NR2C2: variants seen among roughly 807,000 people sequenced by gnomAD.
The protein encoded by NR2C2 is Nuclear hormone receptor TR4.
Under a neutral mutation model 62.9 loss-of-function variants are expected in NR2C2, and 6 were observed. The ratio of observed to expected loss-of-function variants is 0.10; its 90% confidence interval spans 0.05 to 0.19. NR2C2 has a LOEUF of 0.19. Ranked by LOEUF, NR2C2 falls within the 10% of genes least tolerant of loss-of-function variation. NR2C2 has a pLI of 1.00. For synonymous variants in NR2C2, 272 were observed against 273.8 expected (o/e 0.99, Z 0.07); for missense variants, 479 against 762.7 (o/e 0.63, Z 4.38).
Position 15,003,893 on chromosome 3 carries a change from C to T in NR2C2, c.-22C>T, listed in dbSNP as rs756249419. ...ACCCACAGGTAACACGTACACAGAC[C>T]TCTCGGCCGGAATCTCCAGGGATGA... On this transcript the variant is annotated 5_prime_UTR_variant, in exon 2 of 14. Transcript: ENST00000425241. The T allele has an allele frequency of 6.2e-7, 1 of 1,613,240 alleles. No homozygotes were observed. The highest frequency in any genetic ancestry group is 1.7e-5 in the Admixed American group (1 of 59,992).
chr3:14,999,408 T>C (rs1055653116), intron 1 of NR2C2, among the ~76,000 whole-genome samples: 1 of 152,074 alleles, frequency 6.6e-6, no homozygotes, highest in Non-Finnish European at 1.5e-5. Context: ...GGAGGATTGC[T>C]TGGGCCCAGG....
chr3:14,959,131 TCA>T (rs1398790889), intron 1 of NR2C2: 2 of 152,246 alleles, frequency 1.3e-5, no homozygotes. Flanking sequence ...TATGACCTTC[TCA>T]CTGTGTGATC....
At chr3:14,955,073 C>T (rs563101624) in intron 1 of NR2C2, among the ~76,000 whole-genome samples, 1 of 152,244 alleles carries the variant, frequency 6.6e-6, no homozygotes, top group Non-Finnish European at 1.5e-5. Context: ...TCAGGCAGTC[C>T]AGCCATCCCG....
chr3:14,981,623 A>AG (rs34377950), intron 1 of NR2C2, among the ~76,000 whole-genome samples: 16,044 of 140,100 alleles, frequency 0.11, 1,257 homozygotes, highest in Non-Finnish European at 0.13. Flanking sequence ...AAAAAAAAAA[A>AG]GAGTATTGAT....
At chr3:14,971,179 G>C (rs757617610) in intron 1 of NR2C2, among the ~76,000 whole-genome samples, 1 of 147,428 alleles carries the variant, frequency 6.8e-6, no homozygotes, top group African/African-American at 2.7e-5. Flanking sequence ...GTGCAGTGGC[G>C]CAATCTTGGC....
chr3:14,996,355 A>G (rs193181370), intron 1 of NR2C2, among the ~76,000 whole-genome samples: 3 of 152,166 alleles, frequency 2.0e-5, no homozygotes, highest in Admixed American at 6.5e-5. Context: ...ACATTAGCAC[A>G]TTGTATCATG....
intron 1 of NR2C2, among the ~76,000 whole-genome samples, chr3:14,956,534 G>GT (rs972372247): frequency 1.6e-4 from 24 of 152,154 alleles, no homozygotes; most frequent in African/African-American, 5.8e-4. Context: ...GTGGGTGTTT[G>GT]TTTTTTTATT....
rs993423703 is a variant in NR2C2 at position 15,048,918 on chromosome 3, T to C, written c.*5910T>C. On this transcript the variant is annotated 3_prime_UTR_variant, in exon 14 of 14. Transcript: ENST00000425241. ...TTAGATTTTCTTGGGACCGTTTCTG[T>C]AACCTTTGCCCTTCACAATATAGAA... 2 of 152,686 alleles carry C rather than the reference T, an allele frequency of 1.3e-5. No individual in the cohort carries two copies. The highest frequency in any genetic ancestry group is 3.2e-3 in the Middle Eastern group (1 of 316). 9.5% of individuals were successfully genotyped at this position (152,686 alleles called of 1,614,324 possible).
At chr3:15,013,481 G>A in intron 2 of NR2C2, 108 bp from the exon 3 acceptor site, 1 of 844,078 alleles carries the variant, frequency 1.2e-6, no homozygotes, top group Non-Finnish European at 2.0e-6. Flanking sequence ...ATGTTAGACA[G>A]CATTAATTCA....
chr3:15,032,241 C>T (rs1222768924), intron 9 of NR2C2, 138 bp from the exon 10 acceptor site: 40 of 1,184,290 alleles, frequency 3.4e-5, no homozygotes, highest in Admixed American at 2.5e-4. Context: ...GCAAGCCCCC[C>T]GACTGCATGG....
At chr3:14,954,993 G>C (rs1356565613) in intron 1 of NR2C2, among the ~76,000 whole-genome samples, 3 of 152,074 alleles carry the variant, frequency 2.0e-5, no homozygotes, top group Non-Finnish European at 4.4e-5. Flanking sequence ...ACCATGCCCA[G>C]CTAATTTTTT....
Position 15,047,676 on chromosome 3 carries a change from T to C in NR2C2, c.*4668T>C, listed in dbSNP as rs2042504194. On this transcript the variant is annotated 3_prime_UTR_variant, in exon 14 of 14. Transcript: ENST00000425241. The stretch of plus-strand genomic sequence containing the variant: ...CACTGTCCTATGACTGAATAAATAG[T>C]AATTCCCATCTTTCTATCGCCAGTT... The C allele has an allele frequency of 6.6e-6, 1 of 152,226 alleles. No individual in the cohort carries two copies. The highest frequency in any genetic ancestry group is 2.1e-4 in the South Asian group (1 of 4,834). 9.4% of individuals were successfully genotyped at this position (152,226 alleles called of 1,614,324 possible).
intron 1 of NR2C2, among the ~76,000 whole-genome samples, chr3:14,983,045 A>G (rs1305286686): frequency 6.6e-6 from 1 of 152,226 alleles, no homozygotes; most frequent in African/African-American, 2.4e-5. Flanking sequence ...TATACAATGC[A>G]TAATAATTAC....
At chr3:14,968,728 C>G (rs368030343) in intron 1 of NR2C2, among the ~76,000 whole-genome samples, 1 of 130,776 alleles carries the variant, frequency 7.6e-6, no homozygotes, top group African/African-American at 3.2e-5. Context: ...AAGACTTGGA[C>G]CCAACCCAAA....
chr3:14,955,973 A>C lies in NR2C2; in HGVS notation c.-40+8067A>C, dbSNP rs190985691. Among the ~76,000 whole-genome samples the C allele has an allele frequency of 1.0e-3, 154 of 152,320 alleles. 1 individual carries two copies. Among genetic ancestry groups the C allele is most frequent in the Non-Finnish European group, 1.8e-3 (123 of 68,028 alleles). ...CAGCCTTGCTACTTCTACCATATAC[A>C]TATCATTGCTGCACTTTTTTACAGT... On this transcript the variant is annotated intron_variant, in intron 1 of 13. Transcript: ENST00000425241.
intron 2 of NR2C2, among the ~76,000 whole-genome samples, chr3:15,007,801 G>A (rs1219873698): frequency 6.6e-6 from 1 of 152,226 alleles, no homozygotes; most frequent in Non-Finnish European, 1.5e-5. Context: ...ACTTTACCAA[G>A]GTCCTGTCAT....
chr3:15,022,055 C>T (rs1281905417), intron 5 of NR2C2, among the ~76,000 whole-genome samples: 1 of 152,242 alleles, frequency 6.6e-6, no homozygotes, highest in African/African-American at 2.4e-5. Context: ...TGACTGAAAT[C>T]AGTTTTCTTG....
At chr3:14,959,548 C>G (rs898968302) in intron 1 of NR2C2, 4 of 152,036 alleles carry the variant, frequency 2.6e-5, no homozygotes, top group Non-Finnish European at 4.4e-5. Context: ...GGTGCACATT[C>G]CTCCTTGTTC....
At chr3:14,962,034 T>G (rs2039701443) in intron 1 of NR2C2, among the ~76,000 whole-genome samples, 1 of 152,184 alleles carries the variant, frequency 6.6e-6, no homozygotes, top group African/African-American at 2.4e-5. Context: ...ATCTCACACC[T>G]TTCTCAGATA....
Sources: allele counts gnomAD v4.1 joint callset (sites outside exome capture counted in the v4.1 genomes callset), GRCh38; gene constraint gnomAD v4.1.1; transcripts MANE v1.5; gene names NCBI Gene and HGNC (gene_info 2026-07-23, HGNC 2026-07-21).